Variants in LATS1 observed in about 807,000 individuals in gnomAD.
The protein encoded by LATS1 is large tumor suppressor kinase 1.
Under a neutral mutation model 106.6 loss-of-function variants are expected in LATS1, and 25 were observed. The observed-to-expected ratio is 0.23, with a 90% CI of 0.17 to 0.33. LATS1 has a LOEUF of 0.33. Ranked by LOEUF, LATS1 falls within the 10% of genes least tolerant of loss-of-function variation. LATS1 has a pLI of 1.00. For synonymous variants in LATS1, 465 were observed against 455.6 expected, an observed-to-expected ratio of 1.02 and a Z score of -0.26; for missense variants, 1,040 against 1,382.6, an observed-to-expected ratio of 0.75 and a Z score of 3.93.
rs367909928 is a variant in LATS1, at chr6:149,683,454, A to C, written c.1635T>G (p.Pro545=). Residue 545 remains proline (P), a synonymous_variant, in exon 4 of 8, where the codon CCT becomes CCG. Coordinates refer to ENST00000543571, the MANE Select transcript of LATS1 (RefSeq NM_004690.4). ...GTASNVTVMP[P]VAEAPNYQGP... ...CTTGATAGTTTGGAGCTTCAGCAAC[A>C]GGTGGCATCACAGTCACATTTGAAG... The C allele has an allele frequency of 2.8e-5, 46 of 1,614,114 alleles. No homozygotes were observed. The highest frequency in any genetic ancestry group is 3.8e-5 in the Non-Finnish European group (45 of 1,180,056).
chr6:149,689,545 A>C (rs1782600402), intron 3 of LATS1, among the ~76,000 whole-genome samples: 1 of 152,114 alleles, frequency 6.6e-6, no homozygotes, highest in African/African-American at 2.4e-5. Flanking sequence ...TAAAAGAAAA[A>C]GTGATGCAGT....
intron 7 of LATS1, among the ~76,000 whole-genome samples, chr6:149,675,504 T>A (rs1781669407): frequency 6.6e-6 from 1 of 152,220 alleles, no homozygotes; most frequent in African/African-American, 2.4e-5. Context: ...CAGGAGGCAG[T>A]AGGTGACAAA....
At position 149,702,250 on chromosome 6, in the gene LATS1, A is replaced by G. The variant is rs1783506150; in HGVS notation, c.-124T>C. 1.7e-6 allele frequency: 1 copy of G among 593,670 alleles called. No homozygotes were observed. Among genetic ancestry groups the G allele is most frequent in the Non-Finnish European group, 2.9e-6 (1 of 342,514 alleles). The allele number at this position is 593,670 out of a possible 1,614,324, so 36.8% of individuals were successfully genotyped here. On this transcript the variant is annotated 5_prime_UTR_variant, in exon 2 of 8. Coordinates refer to ENST00000543571, the MANE Select transcript of LATS1 (RefSeq NM_004690.4). ...CCCCAGGACTGTTAAAATTCTTTAC[A>G]ATATAAATAATTAACTCTGTAAAAG...
chr6:149,687,145 C>T (rs145185408), intron 3 of LATS1, among the ~76,000 whole-genome samples: 4 of 151,432 alleles, frequency 2.6e-5, no homozygotes, highest in East Asian at 1.9e-4. Context: ...GGCTGGAGCG[C>T]GGTGGCATGA....
chr6:149,714,869 A>G (rs1784302322), intron 1 of LATS1, among the ~76,000 whole-genome samples: 1 of 152,076 alleles, frequency 6.6e-6, no homozygotes, highest in Non-Finnish European at 1.5e-5. Context: ...AATTGAATGA[A>G]TAAATGTATG....
chr6:149,682,975 A>C (rs1274864528), intron 4 of LATS1, 104 bp downstream of exon 4: 9 of 840,278 alleles, frequency 1.1e-5, no homozygotes, highest in Non-Finnish European at 1.4e-5. Flanking sequence ...AATATATTTT[A>C]TTTAGCTATA....
chr6:149,674,581 C>T (rs567891515), intron 7 of LATS1, among the ~76,000 whole-genome samples: 1 of 151,660 alleles, frequency 6.6e-6, no homozygotes, highest in South Asian at 2.1e-4. Context: ...ACCATGTTGC[C>T]CAGGCTGGTC....
At chr6:149,679,795 T>G in intron 5 of LATS1, 80 bp downstream of exon 5, 1 of 1,073,606 alleles carries the variant, frequency 9.3e-7, no homozygotes, top group South Asian at 1.7e-5. Flanking sequence ...CATCCAGTGA[T>G]GATACCATCT....
intron 3 of LATS1, among the ~76,000 whole-genome samples, chr6:149,693,450 A>C (rs149597064): frequency 8.8e-4 from 133 of 151,712 alleles, no homozygotes; most frequent in African/African-American, 3.1e-3. Context: ...TCTCTACTAA[A>C]AATACAAAAA....
rs1780789499 is a variant in LATS1, at chr6:149,658,795, TATG to T, written c.*2931_*2933del. Reference sequence around the variant, plus strand: ...AAAGATACAGCAGTAGGGCCTGCCTTATGATGTCACTGGACAATGCATAACAGT... The same window carrying T: ...AAAGATACAGCAGTAGGGCCTGCCTTATGTCACTGGACAATGCATAACAGT... On this transcript the variant is annotated 3_prime_UTR_variant, in exon 8 of 8. Coordinates refer to ENST00000543571, the MANE Select transcript of LATS1 (RefSeq NM_004690.4). 6.6e-6 allele frequency: 1 copy of T among 152,222 alleles called. No homozygotes were observed. Among genetic ancestry groups the T allele is most frequent in the African/African-American group, 2.4e-5 (1 of 41,464 alleles). The allele number at this position is 152,222 out of a possible 1,614,324, so 9.4% of individuals were successfully genotyped here.
chr6:149,687,635 G>A lies in LATS1; in HGVS notation c.497-3043C>T, dbSNP rs184602901. Among the ~76,000 whole-genome samples, 87 of 151,932 alleles carry A rather than the reference G, an allele frequency of 5.7e-4. 2 individuals carry two copies. The East Asian group carries it at 0.016, about 28-fold the overall frequency. On this transcript the variant is annotated intron_variant, in intron 3 of 7. Coordinates refer to ENST00000543571, the MANE Select transcript of LATS1 (RefSeq NM_004690.4). ...TTATTATTGTAGAGATGGTATCTAA[G>A]TTGTCCAGGCTGGTCTCAAACTCCT...
At chr6:149,662,289 G>T (rs778677514) in intron 7 of LATS1, 51 bp from the exon 8 acceptor site, 1 of 1,417,038 alleles carries the variant, frequency 7.1e-7, no homozygotes, top group Non-Finnish European at 9.5e-7. Flanking sequence ...GAAAAATAAA[G>T]ATTTCCTTCA....
chr6:149,678,796 T>C (rs947729885), intron 5 of LATS1, among the ~76,000 whole-genome samples: 3 of 152,206 alleles, frequency 2.0e-5, no homozygotes, highest in Non-Finnish European at 2.9e-5. Context: ...ACTTGATTTC[T>C]GTCTGACCTT....
At chr6:149,679,776 T>C in intron 5 of LATS1, 99 bp downstream of exon 5, 1 of 880,964 alleles carries the variant, frequency 1.1e-6, no homozygotes, top group Non-Finnish European at 1.7e-6. Flanking sequence ...ACCCACATCT[T>C]CTGGCTCTCA....
rs144160436 is a variant in LATS1 at position 149,697,960 on chromosome 6, G to C, written c.349-2739C>G. On this transcript the variant is annotated intron_variant, in intron 2 of 7. Coordinates refer to ENST00000543571, the MANE Select transcript of LATS1 (RefSeq NM_004690.4). ...TTGCCTTGTTGGCCAGGTTGGTCTC[G>C]AACTCCTGACCTCAAGTGATCTACC... is the stretch of plus-strand genomic sequence containing the variant. Among the ~76,000 whole-genome samples the C allele has an allele frequency of 4.9e-4, 75 of 152,142 alleles. 1 individual carries two copies. The East Asian group carries it at 0.014, about 27-fold the overall frequency.
At chr6:149,715,895 T>C (rs114180644) in intron 1 of LATS1, among the ~76,000 whole-genome samples, 101 of 152,288 alleles carry the variant, frequency 6.6e-4, no homozygotes, top group African/African-American at 2.4e-3. Flanking sequence ...GCAAAACTGC[T>C]TACCTTTTTA....
chr6:149,694,397 T>C (rs1009014936), intron 3 of LATS1, among the ~76,000 whole-genome samples: 4 of 152,164 alleles, frequency 2.6e-5, no homozygotes, highest in African/African-American at 9.7e-5. Context: ...AGTGGCAGGA[T>C]CACCCGGGCT....
chr6:149,711,387 T>C (rs1784085201), intron 1 of LATS1, among the ~76,000 whole-genome samples: 1 of 151,808 alleles, frequency 6.6e-6, no homozygotes, highest in Admixed American at 6.6e-5. Context: ...TACTAAAAAA[T>C]ACAAAAATTA....
At position 149,674,660 on chromosome 6, in the gene LATS1, C is replaced by G. The variant is rs570830959; in HGVS notation, c.2883+1600G>C. 3.3e-5 allele frequency among the ~76,000 whole-genome samples: 5 copies of G among 150,566 alleles called. No homozygotes were observed. The South Asian group carries it at 1.1e-3, about 32-fold the overall frequency. ...AAGTGTTGGGATTACAGGTGTGAAC[C>G]ACTGCACCCATCCCAGCACTTTGGG... is the stretch of plus-strand genomic sequence containing the variant. On this transcript the variant is annotated intron_variant, in intron 7 of 7. Coordinates refer to ENST00000543571, the MANE Select transcript of LATS1 (RefSeq NM_004690.4).
Sources: gnomAD v4.1 joint callset for allele counts (sites outside exome capture counted in the v4.1 genomes callset) on GRCh38, gnomAD v4.1.1 for gene constraint, MANE v1.5 for transcripts, NCBI Gene and HGNC (gene_info 2026-07-23, HGNC 2026-07-21) for gene names.